PNPLA2: variants seen among roughly 807,000 people sequenced by gnomAD.
PNPLA2 encodes the protein patatin-like phospholipase domain-containing protein 2.
PNPLA2 carries 28 observed loss-of-function variants against 39.7 expected under a neutral mutation model. The observed-to-expected ratio is 0.70, with a 90% confidence interval of 0.52 to 0.97. The LOEUF is 0.97. Among genes scored for constraint, PNPLA2 ranks in the 50% least tolerant of loss-of-function variants. The probability of loss-of-function intolerance (pLI) is 0.00; values close to 1 mark genes in which losing one functional copy is unlikely to be tolerated. For missense variants in PNPLA2, 768 were observed against 698.2 expected (o/e 1.10, Z -1.13); for synonymous variants, 392 against 321.1 (o/e 1.22, Z -2.36).
intron 8 of PNPLA2, 23 bp from the exon 9 acceptor site, chr11:824,291 C>T (rs965405113): frequency 6.5e-7 from 1 of 1,549,742 alleles, no homozygotes; most frequent in Admixed American, 2.0e-5. Context: ...AGTCCCTGAA[C>T]GCGCCGCTCG....
In PNPLA2 at chr11:824,365, G is replaced by C. The variant is rs1845794772; in HGVS notation, c.1104G>C (p.Glu368Asp). The change falls in exon 9 of 10, where the codon GAG (glutamate) becomes GAC (aspartate). Residue 368 changes from glutamate (E) to aspartate (D), a missense_variant. Physicochemically the swap from Glu to Asp is conservative, Grantham distance 45. Coordinates refer to ENST00000336615, the MANE Select transcript of PNPLA2 (RefSeq NM_020376.4). Reference protein sequence around the residue: ...DVPEDIRWMKEQTGSICQYLV... With the variant: ...DVPEDIRWMKDQTGSICQYLV... Reference sequence around the variant, plus strand: ...CCGAGGACATCCGGTGGATGAAGGAGCAGACGGGCAGCATCTGCCAGTACC... The same window carrying C: ...CCGAGGACATCCGGTGGATGAAGGACCAGACGGGCAGCATCTGCCAGTACC... 6.4e-7 allele frequency: 1 copy of C among 1,551,062 alleles called. No homozygotes were observed. The highest frequency in any genetic ancestry group is 1.4e-5 in the African/African-American group (1 of 73,154).
chr11:824,777 C>G lies in PNPLA2; in HGVS notation c.1430C>G (p.Pro477Arg), dbSNP rs142588621. ...CCCGCCCCCGCGGACCCAGCATCCC[C>G]GCAGCACCAGCTGGCCGGGCCTGCC... ...PAPAPADPASPQHQLAGPAPL... is the reference protein window; with the variant it reads ...PAPAPADPASRQHQLAGPAPL... Residue 477 changes from proline to arginine, a missense_variant, in exon 10 of 10, where the codon CCG (proline) becomes CGG (arginine). By Grantham distance (103) the Pro-to-Arg change is moderately radical (BLOSUM62 -2). Transcript: ENST00000336615. 1.9e-3 allele frequency: 2,915 copies of G among 1,542,572 alleles called. 44 individuals carry two copies. In the African/African-American group the frequency reaches 0.032, roughly 17 times the overall value.
intron 5 of PNPLA2, among the ~76,000 whole-genome samples, chr11:822,810 GTC>G (rs200940177): frequency 9.1e-5 from 13 of 143,360 alleles, no homozygotes; most frequent in African/African-American, 3.1e-4. Flanking sequence ...TCCCTGTCCA[GTC>G]TCTCTCTCTT....
intron 5 of PNPLA2, among the ~76,000 whole-genome samples, chr11:823,231 G>A (rs1007891687): frequency 6.6e-6 from 1 of 151,816 alleles, no homozygotes; most frequent in Non-Finnish European, 1.5e-5. Context: ...CTAATTTTTT[G>A]TATTTTTAGT....
Position 823,848 on chromosome 11 carries a change from C to T in PNPLA2, c.912C>T (p.Leu304=), listed in dbSNP as rs886048710. The T allele has an allele frequency of 3.8e-6, 6 of 1,586,878 alleles. 1 individual carries two copies. The highest frequency in any genetic ancestry group is 1.3e-5 in the African/African-American group (1 of 74,546). Residue 304 remains leucine, a synonymous_variant, in exon 7 of 10, where the codon CTC becomes CTT. Coordinates refer to ENST00000336615, the MANE Select transcript of PNPLA2 (RefSeq NM_020376.4). ...TCCTGGAGCACCTGCCCGCCCGGCT[C>T]AATGAGGGTGCGCACCTGGGGGACG... The part of the protein sequence containing the change: ...DHILEHLPAR[L]NEALLEACVE...
chr11:821,138 T>C, intron 2 of PNPLA2: 1 of 200,286 alleles, frequency 5.0e-6, no homozygotes. Flanking sequence ...CCAAGAGGAG[T>C]GTTTGGGGTG....
rs767976573 is a variant in PNPLA2 at position 822,424 on chromosome 11, A to T, written c.514A>T (p.Asn172Tyr). Residue 172 changes from asparagine (N) to tyrosine (Y), a missense_variant, in exon 5 of 10, where the codon AAC (asparagine) becomes TAC (tyrosine). Coordinates refer to ENST00000336615, the MANE Select transcript of PNPLA2 (RefSeq NM_020376.4). Reference sequence around the variant, plus strand: ...CTACGTGGATGGTGGCATTTCAGACAACCTGCCACTCTATGAGCTTAAGAA... The same window carrying T: ...CTACGTGGATGGTGGCATTTCAGACTACCTGCCACTCTATGAGCTTAAGAA... The part of the protein sequence containing the change: ...VRYVDGGISD[N>Y]LPLYELKNTI... The T allele has an allele frequency of 6.2e-7, 1 of 1,613,968 alleles. No homozygotes were observed. The highest frequency in any genetic ancestry group is 8.5e-7 in the Non-Finnish European group (1 of 1,179,970).
At chr11:820,034 C>T (rs1845616777) in intron 2 of PNPLA2, 129 bp downstream of exon 2, 1 of 627,492 alleles carries the variant, frequency 1.6e-6, no homozygotes, top group Non-Finnish European at 2.4e-6. Flanking sequence ...CCGGTCCGCG[C>T]CTGGGGAACC....
intron 2 of PNPLA2, chr11:821,179 T>C: frequency 4.1e-6 from 1 of 245,416 alleles, no homozygotes; most frequent in Non-Finnish European, 8.2e-6. Flanking sequence ...GACACAGGTG[T>C]GCCTTCCTAG....
At chr11:819,524 C>A (rs2133844890) in intron 1 of PNPLA2, 50 bp from the exon 2 acceptor site, 1 of 1,265,642 alleles carries the variant, frequency 7.9e-7, no homozygotes, top group East Asian at 3.3e-5. Context: ...GGCCCCGCCC[C>A]CGCCGTGAGT....
rs1845795179 is a variant in PNPLA2, at chr11:824,370, CGGG to C, written c.1110_1112del (p.Gly371del). 6.4e-7 allele frequency: 1 copy of C among 1,551,218 alleles called. No homozygotes were observed. Among genetic ancestry groups the C allele is most frequent in the African/African-American group, 1.4e-5 (1 of 73,160 alleles). ...GACATCCGGTGGATGAAGGAGCAGACGGGCAGCATCTGCCAGTACCTGGTGATG... is the reference window on the plus strand; with the variant it reads ...GACATCCGGTGGATGAAGGAGCAGACCAGCATCTGCCAGTACCTGGTGATG... On this transcript the variant is annotated inframe_deletion, in exon 9 of 10. Coordinates refer to ENST00000336615, the MANE Select transcript of PNPLA2 (RefSeq NM_020376.4).
At position 822,477 on chromosome 11, in the gene PNPLA2, C is replaced by T. The variant is rs530142711; in HGVS notation, c.567C>T (p.Gly189=). 13 of 1,614,026 alleles carry T rather than the reference C, an allele frequency of 8.1e-6. No homozygotes were observed. Among genetic ancestry groups the T allele is most frequent in the African/African-American group, 2.7e-5 (2 of 75,040 alleles). The change falls in exon 5 of 10, where the codon GGC becomes GGT. Residue 189 remains glycine, a synonymous_variant. Transcript: ENST00000336615. ...KNTITVSPFS[G]ESDICPQDSS... Reference sequence around the variant, plus strand: ...CCATCACAGTGTCCCCCTTCTCGGGCGAGAGTGACATCTGTCCGCAGGACA... The same window carrying T: ...CCATCACAGTGTCCCCCTTCTCGGGTGAGAGTGACATCTGTCCGCAGGACA...
At chr11:822,297 A>G (rs1222544737) in intron 4 of PNPLA2, 100 bp from the exon 5 acceptor site, 1 of 1,109,452 alleles carries the variant, frequency 9.0e-7, no homozygotes, top group Admixed American at 1.7e-5. Flanking sequence ...TGAGGTAGCC[A>G]CTGAATGGGG....
chr11:824,075 G>T lies in PNPLA2; in HGVS notation c.997G>T (p.Ala333Ser), dbSNP rs1177572199. Residue 333 changes from alanine to serine, a missense_variant, in exon 8 of 10, where the codon GCC becomes TCC. Physicochemically the swap from Ala to Ser is moderately conservative, Grantham distance 99. Coordinates refer to ENST00000336615, the MANE Select transcript of PNPLA2 (RefSeq NM_020376.4). Reference sequence around the variant, plus strand: ...CATGCTGCCTGTGCGTCTGGCCACGGCCATGATGGTGCCCTACACGCTGCC... The same window carrying T: ...CATGCTGCCTGTGCGTCTGGCCACGTCCATGATGGTGCCCTACACGCTGCC... ...SNMLPVRLAT[A>S]MMVPYTLPLE... The T allele has an allele frequency of 6.2e-7, 1 of 1,608,044 alleles. No homozygotes were observed. Among genetic ancestry groups the T allele is most frequent in the South Asian group, 1.1e-5 (1 of 90,066 alleles).
chr11:821,231 T>C, intron 2 of PNPLA2: 1 of 313,274 alleles, frequency 3.2e-6, no homozygotes. Context: ...CTCCCGGGCC[T>C]GTGAACTGTG....
intron 4 of PNPLA2, 73 bp from the exon 5 acceptor site, chr11:822,324 G>T (rs1489097281): frequency 5.2e-6 from 7 of 1,339,720 alleles, no homozygotes; most frequent in South Asian, 2.3e-5. Flanking sequence ...GTGGCCGGGT[G>T]GGGTGGCTGG....
chr11:822,110 G>A, intron 4 of PNPLA2, 87 bp downstream of exon 4: 1 of 1,246,472 alleles, frequency 8.0e-7, no homozygotes, highest in Non-Finnish European at 1.2e-6. Flanking sequence ...CCATCCTTCA[G>A]GCCCTTGCTC....
intron 4 of PNPLA2, 117 bp from the exon 5 acceptor site, chr11:822,280 G>T (rs528775861): frequency 1.3e-5 from 13 of 971,366 alleles, no homozygotes; most frequent in Middle Eastern, 4.4e-4. Flanking sequence ...TGGGTAAAAC[G>T]CTCAAATGAG....
chr11:819,629 G>A lies in PNPLA2; in HGVS notation c.-90G>A, dbSNP rs551096019. 1.1e-5 allele frequency: 15 copies of A among 1,335,012 alleles called. No homozygotes were observed. In the South Asian group the frequency reaches 1.6e-4, roughly 14 times the overall value. The allele number at this position is 1,335,012 out of a possible 1,614,324, so 82.7% of individuals were successfully genotyped here. ...GCTAGAGCCGCAGCGGGACCTGCCC[G>A]GCCCCCGGCTCCAGCGAGCGAGCGG... On this transcript the variant is annotated 5_prime_UTR_variant, in exon 2 of 10. Coordinates refer to ENST00000336615, the MANE Select transcript of PNPLA2 (RefSeq NM_020376.4).
Sources: allele counts gnomAD v4.1 joint callset (sites outside exome capture counted in the v4.1 genomes callset), GRCh38; gene constraint gnomAD v4.1.1; transcripts MANE v1.5; gene names NCBI Gene and HGNC (gene_info 2026-07-23, HGNC 2026-07-21).